KCNK9: variants seen among roughly 807,000 people sequenced by gnomAD.
KCNK9 encodes the protein potassium two pore domain channel subfamily K member 9.
A neutral mutation model predicts 10.8 loss-of-function variants in KCNK9; 1 was observed. The ratio of observed to expected loss-of-function variants is 0.09; its 90% CI spans 0.03 to 0.44. The LOEUF (loss-of-function observed/expected upper bound fraction) is 0.44, where lower values mean the gene tolerates loss of function less well. Among genes scored for constraint, KCNK9 ranks in the 20% least tolerant of loss-of-function variants. The probability of loss-of-function intolerance (pLI) is 0.97; values close to 1 mark genes in which losing one functional copy is unlikely to be tolerated. For missense variants in KCNK9, 303 were observed against 515.0 expected, an observed-to-expected ratio of 0.59 and a Z score of 3.98; for synonymous variants, 231 against 222.7, an observed-to-expected ratio of 1.04 and a Z score of -0.33.
chr8:139,657,133 C>G (rs536544433), intron 1 of KCNK9, among the ~76,000 whole-genome samples: 24 of 152,354 alleles, frequency 1.6e-4, no homozygotes, highest in Admixed American at 1.4e-3. Context: ...CCTCAGGAAG[C>G]CTCCACTTGT....
chr8:139,683,553 C>T (rs1172192142), intron 1 of KCNK9, among the ~76,000 whole-genome samples: 1 of 152,224 alleles, frequency 6.6e-6, no homozygotes, highest in Non-Finnish European at 1.5e-5. Context: ...CATGGGCTTA[C>T]TCACGCATGG....
At chr8:139,658,175 G>A (rs1381606011) in intron 1 of KCNK9, among the ~76,000 whole-genome samples, 5 of 152,230 alleles carry the variant, frequency 3.3e-5, no homozygotes, top group Non-Finnish European at 5.9e-5. Flanking sequence ...AGGGCACCAA[G>A]TAGGGCAGTA....
At chr8:139,677,849 A>C (rs75345201) in intron 1 of KCNK9, among the ~76,000 whole-genome samples, 5 of 39,634 alleles carry the variant, frequency 1.3e-4, no homozygotes, top group African/African-American at 2.7e-4. Context: ...AGTACCTCAC[A>C]TCCCAGCCCA....
At position 139,702,262 on chromosome 8, in the gene KCNK9, C is replaced by T. The variant is rs1012395931; in HGVS notation, c.283+448G>A. On this transcript the variant is annotated intron_variant, in intron 1 of 1. Transcript: ENST00000520439. The surrounding 1 kb of genome is among the most constrained non-coding windows in gnomAD (Gnocchi z 7.5). ...CGCCCCAGGCGCACTCCCCTGCCACCTGAGTCCCTCTAGGAGCCATGGGTG... is the reference window on the plus strand; with the variant it reads ...CGCCCCAGGCGCACTCCCCTGCCACTTGAGTCCCTCTAGGAGCCATGGGTG... Among the ~76,000 whole-genome samples, 4 of 152,212 alleles carry T rather than the reference C, an allele frequency of 2.6e-5. No individual in the cohort carries two copies. Among genetic ancestry groups the T allele is most frequent in the African/African-American group, 9.6e-5 (4 of 41,462 alleles).
Position 139,677,180 on chromosome 8 carries a change from G to T in KCNK9, c.283+25530C>A, listed in dbSNP as rs113720856. The stretch of plus-strand genomic sequence containing the variant: ...CTACCCCCTGTGGCCACCAATTAAA[G>T]GTTGATGCTGGGCACAGCAGGTGGT... On this transcript the variant is annotated intron_variant, in intron 1 of 1. Transcript: ENST00000520439. Among the ~76,000 whole-genome samples, 3 of 152,222 alleles carry T rather than the reference G, an allele frequency of 2.0e-5. 1 individual carries two copies. The highest frequency in any genetic ancestry group is 6.8e-3 in the Middle Eastern group (2 of 294).
rs538215614 is a variant in KCNK9 at position 139,673,706 on chromosome 8, G to A, written c.283+29004C>T. Among the ~76,000 whole-genome samples the A allele has an allele frequency of 2.0e-4, 31 of 152,362 alleles. No individual in the cohort carries two copies. The South Asian group carries it at 3.1e-3, about 15-fold the overall frequency. On this transcript the variant is annotated intron_variant, in intron 1 of 1. Transcript: ENST00000520439. ...GGATAGTGGGTTAAGCCCCTTTGCA[G>A]TTTGTAAAAATGCCACCAAAGAGAT... is the stretch of plus-strand genomic sequence containing the variant.
intron 1 of KCNK9, among the ~76,000 whole-genome samples, chr8:139,668,643 A>C (rs952424073): frequency 6.6e-6 from 1 of 152,124 alleles, no homozygotes; most frequent in African/African-American, 2.4e-5. Flanking sequence ...GCTGGTGTCG[A>C]ACTCCCGACC....
At chr8:139,660,428 A>T (rs1412218697) in intron 1 of KCNK9, among the ~76,000 whole-genome samples, 2 of 141,166 alleles carry the variant, frequency 1.4e-5, no homozygotes, top group Non-Finnish European at 3.0e-5. Flanking sequence ...AATGTCGTGA[A>T]ACCCGTCTCT....
chr8:139,613,616 T>C (rs1482932410), downstream of KCNK9, among the ~76,000 whole-genome samples: 1 of 152,194 alleles, frequency 6.6e-6, no homozygotes, highest in East Asian at 1.9e-4. Flanking sequence ...GTGGGTCAAA[T>C]TGGTTTTGTG....
At chr8:139,656,723 C>T (rs1816031921) in intron 1 of KCNK9, among the ~76,000 whole-genome samples, 1 of 152,212 alleles carries the variant, frequency 6.6e-6, no homozygotes. Flanking sequence ...GTCTCCTAGA[C>T]CTGCAGTTTC....
At chr8:139,675,139 G>A (rs898752656) in intron 1 of KCNK9, among the ~76,000 whole-genome samples, 6 of 152,228 alleles carry the variant, frequency 3.9e-5, no homozygotes, top group Admixed American at 1.3e-4. Flanking sequence ...CAGCGGTGGA[G>A]GAGCAAATGA....
chr8:139,621,215 C>A (rs938046755), intron 1 of KCNK9, among the ~76,000 whole-genome samples: 7 of 150,888 alleles, frequency 4.6e-5, no homozygotes. Context: ...CACTTGAACC[C>A]AGGTGGTGGA....
chr8:139,626,696 C>A (rs1272999503), intron 1 of KCNK9, among the ~76,000 whole-genome samples: 1 of 152,194 alleles, frequency 6.6e-6, no homozygotes, highest in Admixed American at 6.5e-5. Context: ...ACAGGCTGCC[C>A]AGCACCGGAA....
At chr8:139,698,344 C>T (rs540626239) in intron 1 of KCNK9, among the ~76,000 whole-genome samples, 1 of 152,314 alleles carries the variant, frequency 6.6e-6, no homozygotes, top group African/African-American at 2.4e-5. Context: ...AGGAATTGTG[C>T]TGGCCCTGCA....
intron 1 of KCNK9, among the ~76,000 whole-genome samples, chr8:139,698,246 G>A (rs558138816): frequency 6.6e-6 from 1 of 152,304 alleles, no homozygotes; most frequent in African/African-American, 2.4e-5. Context: ...GTGCATGCGT[G>A]TGGAGGCTCC....
chr8:139,626,096 C>T (rs1340230691), intron 1 of KCNK9, among the ~76,000 whole-genome samples: 1 of 152,180 alleles, frequency 6.6e-6, no homozygotes, highest in East Asian at 1.9e-4. Context: ...CTCAAAGTAT[C>T]CAGTGGGCTG....
chr8:139,623,153 G>A (rs1243564230), intron 1 of KCNK9, among the ~76,000 whole-genome samples: 3 of 152,170 alleles, frequency 2.0e-5, no homozygotes, highest in Non-Finnish European at 2.9e-5. Context: ...GAAAATGCAT[G>A]TATGCTGGAC....
intron 1 of KCNK9, among the ~76,000 whole-genome samples, chr8:139,632,144 C>T (rs1815192773): frequency 6.6e-6 from 1 of 152,188 alleles, no homozygotes; most frequent in South Asian, 2.1e-4. Context: ...CTGGGATTTG[C>T]CGCAACGCCC....
chr8:139,692,530 C>T (rs964430856), intron 1 of KCNK9, among the ~76,000 whole-genome samples: 10 of 152,166 alleles, frequency 6.6e-5, no homozygotes, highest in Non-Finnish European at 1.5e-4. Flanking sequence ...TGTTTGAATA[C>T]CTATGGCCTG....
Sources: allele counts gnomAD v4.1 joint callset (sites outside exome capture counted in the v4.1 genomes callset), GRCh38; gene constraint gnomAD v4.1.1; non-coding constraint Gnocchi (gnomAD v3.1); transcripts MANE v1.5; gene names NCBI Gene and HGNC (gene_info 2026-07-23, HGNC 2026-07-21).